PIEZO2: variants seen among roughly 807,000 people sequenced by gnomAD.
The protein encoded by PIEZO2 is piezo-type mechanosensitive ion channel component 2.
In PIEZO2, 172 loss-of-function variants were observed where a neutral mutation model predicts 337.3. The observed-to-expected ratio is 0.51, with a 90% CI of 0.45 to 0.58. PIEZO2 has a LOEUF of 0.58. Among genes scored for constraint, PIEZO2 ranks in the 20% least tolerant of loss-of-function variants. The probability of loss-of-function intolerance (pLI) is 0.00; values close to 1 mark genes in which losing one functional copy is unlikely to be tolerated. For missense variants in PIEZO2, 3,028 were observed against 3,391.3 expected, an observed-to-expected ratio of 0.89 and a Z score of 2.66; for synonymous variants, 1,251 against 1,228.5, an observed-to-expected ratio of 1.02 and a Z score of -0.38.
intron 2 of PIEZO2, among the ~76,000 whole-genome samples, chr18:11,058,994 G>C (rs1477502046): frequency 6.6e-6 from 1 of 152,168 alleles, no homozygotes; most frequent in Non-Finnish European, 1.5e-5. Context: ...AAATGTAAAG[G>C]GCAGCCAGAG....
At chr18:10,737,305 A>ATCCT (rs2037045053) in intron 33 of PIEZO2, among the ~76,000 whole-genome samples, 1 of 152,088 alleles carries the variant, frequency 6.6e-6, no homozygotes, top group Non-Finnish European at 1.5e-5. Context: ...AAACAAAAAA[A>ATCCT]CACGCACACA....
At chr18:11,135,624 C>T (rs1423829251) in intron 1 of PIEZO2, among the ~76,000 whole-genome samples, 2 of 152,084 alleles carry the variant, frequency 1.3e-5, no homozygotes, top group African/African-American at 4.8e-5. Flanking sequence ...CTTGGCTCAC[C>T]GTAACCTCCG....
In PIEZO2 at chr18:10,988,803, G is replaced by A. The variant is rs2034979187; in HGVS notation, c.161-9143C>T. ...ACAATATGACTAGACATGGAGGGAG[G>A]GCATTACGTTAAGTGAAATAAGCTA... On this transcript the variant is annotated intron_variant, in intron 2 of 55. Coordinates refer to ENST00000674853, the MANE Select transcript of PIEZO2 (RefSeq NM_001378183.1). The surrounding 1 kb of genome is among the most constrained non-coding windows in gnomAD (Gnocchi z 4.8). Among the ~76,000 whole-genome samples, 1 of 152,064 alleles carries A rather than the reference G, an allele frequency of 6.6e-6. No homozygotes were observed. The highest frequency in any genetic ancestry group is 2.4e-5 in the African/African-American group (1 of 41,412).
At chr18:10,719,709 T>C (rs921770165) in intron 36 of PIEZO2, among the ~76,000 whole-genome samples, 4 of 152,188 alleles carry the variant, frequency 2.6e-5, no homozygotes, top group African/African-American at 9.7e-5. Flanking sequence ...CCTTTGAATA[T>C]ATATGTAGTA....
Position 10,850,418 on chromosome 18 carries a change from G to A in PIEZO2, c.917+4935C>T, listed in dbSNP as rs2041510515. On this transcript the variant is annotated intron_variant, in intron 7 of 55. Coordinates refer to ENST00000674853, the MANE Select transcript of PIEZO2 (RefSeq NM_001378183.1). The surrounding 1 kb of genome is among the most constrained non-coding windows in gnomAD (Gnocchi z 4.5). ...CTGGACACCTGTGCATCCTCCAGCA[G>A]AAGCAAGCACCCCCACAGCCCTGCA... Among the ~76,000 whole-genome samples the A allele has an allele frequency of 6.6e-6, 1 of 152,204 alleles. No individual in the cohort carries two copies. The highest frequency in any genetic ancestry group is 1.5e-5 in the Non-Finnish European group (1 of 68,036).
chr18:10,791,757 G>A lies in PIEZO2; in HGVS notation c.1759-433C>T, dbSNP rs186303281. On this transcript the variant is annotated intron_variant, in intron 13 of 55. Transcript: ENST00000674853. Reference sequence around the variant, plus strand: ...CTTATTTTGAAGAATTCCGTAGATGGGAAAAGGAAAATTTCATCCCAGAAA... The same window carrying A: ...CTTATTTTGAAGAATTCCGTAGATGAGAAAAGGAAAATTTCATCCCAGAAA... The A allele has an allele frequency of 4.5e-3, 691 of 152,338 alleles. 4 individuals are homozygous for A. The highest frequency in any genetic ancestry group is 6.2e-3 in the Non-Finnish European group (420 of 68,104). The allele number at this position is 152,338 out of a possible 1,614,324, so 9.4% of individuals were successfully genotyped here. A position where few individuals can be genotyped will look rare whatever the true frequency, so the allele number is the denominator to read the frequency against.
At chr18:10,972,377 A>G (rs1300466291) in intron 3 of PIEZO2, among the ~76,000 whole-genome samples, 4 of 152,158 alleles carry the variant, frequency 2.6e-5, no homozygotes, top group Non-Finnish European at 4.4e-5. Flanking sequence ...GGAGCAGATG[A>G]CAAGCTTTCA....
chr18:11,012,831 G>A (rs989949661), intron 2 of PIEZO2, among the ~76,000 whole-genome samples: 17 of 152,190 alleles, frequency 1.1e-4, no homozygotes, highest in African/African-American at 4.1e-4. Context: ...GATCACTTGA[G>A]CCCAGGAGTT....
At chr18:10,989,589 T>C (rs1443702186) in intron 2 of PIEZO2, among the ~76,000 whole-genome samples, 2 of 152,048 alleles carry the variant, frequency 1.3e-5, no homozygotes, top group Non-Finnish European at 2.9e-5. Flanking sequence ...AATTAGGGCA[T>C]CTAAAATGTA....
intron 2 of PIEZO2, among the ~76,000 whole-genome samples, chr18:10,994,530 C>T (rs572164558): frequency 6.6e-6 from 1 of 151,808 alleles, no homozygotes; most frequent in South Asian, 2.1e-4. Flanking sequence ...CTGCCTCACC[C>T]TCCCAAGTAG....
intron 3 of PIEZO2, among the ~76,000 whole-genome samples, chr18:10,947,917 G>A (rs2145293822): frequency 6.6e-6 from 1 of 151,558 alleles, no homozygotes; most frequent in East Asian, 1.9e-4. Context: ...AATTAAAGGT[G>A]AATCATATAA....
At chr18:11,130,610 C>CCT (rs1262331092) in intron 1 of PIEZO2, among the ~76,000 whole-genome samples, 1 of 152,206 alleles carries the variant, frequency 6.6e-6, no homozygotes, top group Non-Finnish European at 1.5e-5. Context: ...ATTGGAGAGA[C>CCT]ATTTGTGTGG....
chr18:10,785,557 A>G (rs2039189573), intron 16 of PIEZO2, among the ~76,000 whole-genome samples: 1 of 152,176 alleles, frequency 6.6e-6, no homozygotes, highest in Non-Finnish European at 1.5e-5. Context: ...GCTGTCCTCC[A>G]CATCCCTCTC....
chr18:10,919,428 T>C (rs2031237632), intron 3 of PIEZO2, among the ~76,000 whole-genome samples: 1 of 152,158 alleles, frequency 6.6e-6, no homozygotes. Context: ...TATATTTGTT[T>C]TTTGGCCCTT....
intron 4 of PIEZO2, among the ~76,000 whole-genome samples, chr18:10,881,041 T>A (rs1310500796): frequency 6.6e-6 from 1 of 151,588 alleles, no homozygotes; most frequent in East Asian, 1.9e-4. Flanking sequence ...TAACATTTAT[T>A]GAGAATCACT....
At chr18:10,729,816 C>T (rs1392589971) in intron 36 of PIEZO2, among the ~76,000 whole-genome samples, 1 of 152,084 alleles carries the variant, frequency 6.6e-6, no homozygotes, top group African/African-American at 2.4e-5. Context: ...TGAGGTACTA[C>T]TCTGACTTCA....
Position 10,807,186 on chromosome 18 carries a change from C to A in PIEZO2, c.1006G>T (p.Ala336Ser). 1 of 1,537,192 alleles carries A rather than the reference C, an allele frequency of 6.5e-7. No individual in the cohort carries two copies. ...VNPDLSWYHH[A>S]NPILLLVMYY... is the part of the protein sequence containing the mutation. ...ATCACCAGCAGGAGGATAGGGTTGGCGTGGTGGTACCACGACAGGTCCGGG... is the reference window on the plus strand; with the variant it reads ...ATCACCAGCAGGAGGATAGGGTTGGAGTGGTGGTACCACGACAGGTCCGGG... The change falls in exon 8 of 56, where the codon GCC (alanine) becomes TCC (serine). Residue 336 changes from alanine to serine, a missense_variant. By Grantham distance (99) the Ala-to-Ser change is moderately conservative. Transcript: ENST00000674853.
At chr18:11,039,300 T>G (rs2037029143) in intron 2 of PIEZO2, among the ~76,000 whole-genome samples, 1 of 152,172 alleles carries the variant, frequency 6.6e-6, no homozygotes, top group South Asian at 2.1e-4. Context: ...TGGAACATTC[T>G]GTAGGCAGAA....
intron 1 of PIEZO2, among the ~76,000 whole-genome samples, chr18:11,139,707 T>A (rs1264525315): frequency 2.0e-5 from 3 of 152,088 alleles, no homozygotes; most frequent in Non-Finnish European, 4.4e-5. Context: ...AGAAATAAAA[T>A]AAAAATGTAA....
Sources: allele counts gnomAD v4.1 joint callset (sites outside exome capture counted in the v4.1 genomes callset), GRCh38; gene constraint gnomAD v4.1.1; non-coding constraint Gnocchi (gnomAD v3.1); transcripts MANE v1.5; gene names NCBI Gene and HGNC (gene_info 2026-07-23, HGNC 2026-07-21).